Variants in SLC4A8 observed in about 807,000 individuals in gnomAD.
SLC4A8 encodes the protein electroneutral sodium bicarbonate exchanger 1.
Under a neutral mutation model 125.0 loss-of-function variants are expected in SLC4A8, and 40 were observed. The ratio of observed to expected loss-of-function variants is 0.32; its 90% confidence interval spans 0.25 to 0.42. The LOEUF is 0.42. SLC4A8 is among the 10% of genes least tolerant of loss of function. SLC4A8 has a pLI of 1.00. For missense variants in SLC4A8, 863 were observed against 1,355.1 expected, an observed-to-expected ratio of 0.64 and a Z score of 5.70; for synonymous variants, 456 against 476.0, an observed-to-expected ratio of 0.96 and a Z score of 0.55.
At chr12:51,401,191 C>A (rs1948384399) in intron 1 of SLC4A8, among the ~76,000 whole-genome samples, 1 of 152,164 alleles carries the variant, frequency 6.6e-6, no homozygotes, top group African/African-American at 2.4e-5. Context: ...TGGGCGTGTG[C>A]TACCGTGTGC....
Position 51,457,342 on chromosome 12 carries a change from G to T in SLC4A8, c.575-9G>T. The T allele has an allele frequency of 6.2e-7, 1 of 1,611,458 alleles. No individual in the cohort carries two copies. ...AATCTGAGTGTTCATGTGAGTGCCT[G>T]CTTTCCAGACCTGATCCTGGATCAG... On this transcript the variant is annotated splice_polypyrimidine_tract_variant and intron_variant, in intron 5 of 24. Transcript: ENST00000453097.
chr12:51,425,152 C>T (rs1229760562), intron 1 of SLC4A8, 117 bp downstream of exon 1: 2 of 1,449,174 alleles, frequency 1.4e-6, no homozygotes, highest in East Asian at 5.2e-5. Flanking sequence ...TCCCTGAGGG[C>T]GAGGGGAGGC....
rs1938303895 is a variant in SLC4A8, at chr12:51,509,937, T to G, written c.*2499T>G. 6.6e-6 allele frequency: 1 copy of G among 152,296 alleles called. No individual in the cohort carries two copies. Among genetic ancestry groups the G allele is most frequent in the African/African-American group, 2.4e-5 (1 of 41,360 alleles). The allele number at this position is 152,296 out of a possible 1,614,324, so 9.4% of individuals were successfully genotyped here. Reference sequence around the variant, plus strand: ...TTTTGCCACGAGGTGATGGTTGGGGTTGGGCGAATGGGTTGGATGATCCTG... The same window carrying G: ...TTTTGCCACGAGGTGATGGTTGGGGGTGGGCGAATGGGTTGGATGATCCTG... On this transcript the variant is annotated 3_prime_UTR_variant, in exon 25 of 25. Transcript: ENST00000453097.
rs556907878 is a variant in SLC4A8, at chr12:51,407,142, A to C, written c.-112+15654A>C. On this transcript the variant is annotated intron_variant, in intron 1 of 24. Coordinates refer to the SLC4A8 transcript ENST00000358657. ...GCCTTGTTGCTGTGTCCCGGCATGG[A>C]GGGAGGCAGAAGGGCAACCTGACTG... 1.1e-3 allele frequency among the ~76,000 whole-genome samples: 170 copies of C among 152,278 alleles called. 1 individual carries two copies. Among genetic ancestry groups the C allele is most frequent in the South Asian group, 3.5e-3 (17 of 4,816 alleles).
chr12:51,452,756 C>T (rs1480071208), intron 4 of SLC4A8, among the ~76,000 whole-genome samples: 7 of 152,182 alleles, frequency 4.6e-5, no homozygotes, highest in African/African-American at 1.4e-4. Context: ...TCCAGCCTGA[C>T]TGTAGGCTTC....
chr12:51,440,564 G>A (rs1167484250), intron 1 of SLC4A8, 144 bp from the exon 2 acceptor site: 10 of 599,118 alleles, frequency 1.7e-5, no homozygotes, highest in Non-Finnish European at 2.9e-5. Flanking sequence ...GCATCTAAAA[G>A]GTATTGTGAA....
intron 1 of SLC4A8, among the ~76,000 whole-genome samples, chr12:51,438,946 C>T (rs539067331): frequency 1.1e-4 from 17 of 152,222 alleles, no homozygotes; most frequent in African/African-American, 3.9e-4. Context: ...TGTATTCATT[C>T]TTTTAACAAA....
At chr12:51,436,366 A>G (rs1480847784) in intron 1 of SLC4A8, among the ~76,000 whole-genome samples, 1 of 152,184 alleles carries the variant, frequency 6.6e-6, no homozygotes, top group African/African-American at 2.4e-5. Flanking sequence ...CTATGTTTTA[A>G]TGTTACTTAG....
At chr12:51,421,457 G>T (rs1948788013), upstream of SLC4A8, among the ~76,000 whole-genome samples, 3 of 152,238 alleles carry the variant, frequency 2.0e-5, no homozygotes, top group South Asian at 6.2e-4. Flanking sequence ...TAGGCCAGAA[G>T]ATGGGGCTCT....
intron 24 of SLC4A8, among the ~76,000 whole-genome samples, chr12:51,506,637 T>C (rs948909553): frequency 7.9e-5 from 12 of 152,318 alleles, no homozygotes; most frequent in Middle Eastern, 3.4e-3. Context: ...ATTTACTGTG[T>C]TGCCCAGGCT....
rs1938415779 is a variant in SLC4A8 at position 51,512,912 on chromosome 12, G to C, written c.*5474G>C. 1 of 152,230 alleles carries C rather than the reference G, an allele frequency of 6.6e-6. No homozygotes were observed. The highest frequency in any genetic ancestry group is 6.5e-5 in the Admixed American group (1 of 15,284). The allele number at this position is 152,230 out of a possible 1,614,324, so 9.4% of individuals were successfully genotyped here. The stretch of plus-strand genomic sequence containing the variant: ...AAATTTAGGAGTGGAAAGCAAGGCA[G>C]GTAGTTAGGTGATTTCCATGACCAC... On this transcript the variant is annotated 3_prime_UTR_variant, in exon 25 of 25. Coordinates refer to ENST00000453097, the MANE Select transcript of SLC4A8 (RefSeq NM_001039960.3).
intron 17 of SLC4A8, among the ~76,000 whole-genome samples, chr12:51,488,019 T>C (rs927133858): frequency 6.6e-6 from 1 of 152,222 alleles, no homozygotes; most frequent in Non-Finnish European, 1.5e-5. Flanking sequence ...TGGGTTAATG[T>C]TGAGATACAC....
At chr12:51,468,920 A>G (rs1055055209) in intron 11 of SLC4A8, 9 of 152,618 alleles carry the variant, frequency 5.9e-5, no homozygotes, top group African/African-American at 2.2e-4. Context: ...AGTGTCACCC[A>G]TGTTGGCCCC....
chr12:51,505,995 G>A, intron 24 of SLC4A8, 65 bp downstream of exon 24: 1 of 752,084 alleles, frequency 1.3e-6, no homozygotes, highest in Admixed American at 2.4e-5. Flanking sequence ...GATATTGAAG[G>A]TAAAATGTGT....
At chr12:51,492,721 G>A (rs1413339865) in intron 19 of SLC4A8, among the ~76,000 whole-genome samples, 1 of 151,988 alleles carries the variant, frequency 6.6e-6, no homozygotes, top group Admixed American at 6.5e-5. Context: ...TGTGCAAAAC[G>A]TGCAGGTTTG....
chr12:51,424,066 C>CA (rs60139804), upstream of SLC4A8, among the ~76,000 whole-genome samples: 41,408 of 105,854 alleles, frequency 0.39, 9,421 homozygotes, highest in Middle Eastern at 0.41. Flanking sequence ...AAAAAAACAA[C>CA]AAAAAAAAAA....
chr12:51,395,052 A>C (rs1592133276), intron 1 of SLC4A8, among the ~76,000 whole-genome samples: 1 of 149,238 alleles, frequency 6.7e-6, no homozygotes, highest in South Asian at 2.1e-4. Context: ...TAAAAAAAAA[A>C]CGGGTTTCTG....
At chr12:51,397,396 C>T (rs1948284696) in intron 1 of SLC4A8, among the ~76,000 whole-genome samples, 1 of 152,124 alleles carries the variant, frequency 6.6e-6, no homozygotes, top group East Asian at 1.9e-4. Flanking sequence ...TTCCTTTTGC[C>T]TCAAGCTCCA....
chr12:51,474,589 T>C, intron 15 of SLC4A8, 142 bp downstream of exon 15: 1 of 1,407,332 alleles, frequency 7.1e-7, no homozygotes, highest in Non-Finnish European at 9.4e-7. Context: ...TCTTACTCAC[T>C]TTCTTTTATC....
Sources: gnomAD v4.1 joint callset for allele counts (sites outside exome capture counted in the v4.1 genomes callset) on GRCh38, gnomAD v4.1.1 for gene constraint, MANE v1.5 for transcripts, NCBI Gene and HGNC (gene_info 2026-07-23, HGNC 2026-07-21) for gene names.